COL11A1: variants seen among roughly 807,000 people sequenced by gnomAD.
The protein encoded by COL11A1 is collagen alpha-1(XI) chain.
A neutral mutation model predicts 265.2 loss-of-function variants in COL11A1; 74 were observed. The observed-to-expected ratio is 0.28, with a 90% confidence interval of 0.23 to 0.34. COL11A1 has a LOEUF of 0.34. Ranked by LOEUF, COL11A1 falls within the 10% of genes least tolerant of loss-of-function variation. The pLI is 1.00. For missense variants in COL11A1, 2,165 were observed against 2,263.6 expected (o/e 0.96, Z 0.88); for synonymous variants, 816 against 727.6 (o/e 1.12, Z -1.96).
chr1:102,949,390 C>T (rs531961339), intron 41 of COL11A1, among the ~76,000 whole-genome samples: 12 of 151,082 alleles, frequency 7.9e-5, no homozygotes, highest in South Asian at 2.1e-4. Flanking sequence ...AAAAGAGGTG[C>T]GATTTTAATT....
chr1:103,048,361 T>C (rs1241701701), intron 4 of COL11A1, among the ~76,000 whole-genome samples: 1 of 152,232 alleles, frequency 6.6e-6, no homozygotes, highest in African/African-American at 2.4e-5. Flanking sequence ...AATTTATCCA[T>C]TTCTTCTAGA....
In COL11A1 at chr1:103,082,999, C is replaced by G. The variant is rs116458923; in HGVS notation, c.107-27G>C. ...TGAAAAATAAGCAAACAATAAAAAA[C>G]CAGAATTGAACAACGATCTGATATA... On this transcript the variant is annotated intron_variant, in intron 1 of 66. Transcript: ENST00000370096. The G allele has an allele frequency of 2.9e-5, 46 of 1,608,280 alleles. No individual in the cohort carries two copies. In the Admixed American group the frequency reaches 5.9e-4, roughly 20 times the overall value.
intron 54 of COL11A1, among the ~76,000 whole-genome samples, chr1:102,909,682 A>G (rs937759805): frequency 8.5e-5 from 13 of 152,090 alleles, no homozygotes; most frequent in African/African-American, 1.2e-4. Context: ...ATGTAAATGA[A>G]TAAGAATGTA....
chr1:103,102,153 C>T (rs1451536414), intron 1 of COL11A1, among the ~76,000 whole-genome samples: 2 of 151,904 alleles, frequency 1.3e-5, no homozygotes, highest in Non-Finnish European at 2.9e-5. Context: ...TTACCTATAT[C>T]AATAAAACCA....
At chr1:103,001,556 C>A in intron 24 of COL11A1, 1 of 457,452 alleles carries the variant, frequency 2.2e-6, no homozygotes, top group Non-Finnish European at 3.8e-6. Flanking sequence ...TTCCTTTCAT[C>A]ATGTCTTCCT....
chr1:102,989,253 T>C (rs1010932108), intron 29 of COL11A1, among the ~76,000 whole-genome samples: 4 of 148,808 alleles, frequency 2.7e-5, no homozygotes, highest in Non-Finnish European at 6.0e-5. Context: ...TGTGTGTGCA[T>C]GTGTGTGTGT....
chr1:103,013,483 A>G (rs1054383238), intron 13 of COL11A1, among the ~76,000 whole-genome samples: 1 of 151,964 alleles, frequency 6.6e-6, no homozygotes, highest in East Asian at 1.9e-4. Flanking sequence ...AGTTATAGAA[A>G]TCTTTAGTAA....
At chr1:103,086,635 C>T (rs964401384) in intron 1 of COL11A1, among the ~76,000 whole-genome samples, 1 of 152,096 alleles carries the variant, frequency 6.6e-6, no homozygotes, top group Non-Finnish European at 1.5e-5. Flanking sequence ...CCAGGATGGT[C>T]TTGATCTCCT....
intron 54 of COL11A1, among the ~76,000 whole-genome samples, chr1:102,910,353 T>C (rs1356931780): frequency 1.3e-5 from 2 of 152,156 alleles, no homozygotes; most frequent in Non-Finnish European, 2.9e-5. Context: ...TGATAATTAC[T>C]TAAATTTATT....
At chr1:102,935,796 T>G (rs1357588233) in intron 44 of COL11A1, among the ~76,000 whole-genome samples, 1 of 152,142 alleles carries the variant, frequency 6.6e-6, no homozygotes, top group Non-Finnish European at 1.5e-5. Flanking sequence ...TAACTACTAC[T>G]TGTGGGGGAA....
chr1:103,070,989 T>C (rs1671540196), intron 4 of COL11A1, among the ~76,000 whole-genome samples: 1 of 152,002 alleles, frequency 6.6e-6, no homozygotes, highest in African/African-American at 2.4e-5. Flanking sequence ...CTAATCTTAC[T>C]TTTTTCAGGC....
intron 11 of COL11A1, 78 bp from the exon 12 acceptor site, chr1:103,015,820 A>G: frequency 9.1e-7 from 1 of 1,098,368 alleles, no homozygotes; most frequent in Non-Finnish European, 1.3e-6. Context: ...CTTATAACGT[A>G]AGTCTACTTT....
Position 103,022,965 on chromosome 1 carries a change from T to C in COL11A1, c.1022A>G (p.Glu341Gly). 2.5e-6 allele frequency: 4 copies of C among 1,613,200 alleles called. No homozygotes were observed. The highest frequency in any genetic ancestry group is 3.4e-6 in the Non-Finnish European group (4 of 1,179,550). ...PNPVEEIFTEEYLTGEDYDSQ... is the reference protein window; with the variant it reads ...PNPVEEIFTEGYLTGEDYDSQ... Reference sequence around the variant, plus strand: ...ATCATAATCCTCTCCCGTTAGATATTCTTCAGTAAATATTTCTTCAACTGG... The same window carrying C: ...ATCATAATCCTCTCCCGTTAGATATCCTTCAGTAAATATTTCTTCAACTGG... Residue 341 changes from glutamate to glycine, a missense_variant, in exon 8 of 67, where the codon GAA (glutamate) becomes GGA (glycine). Physicochemically the swap from Glu to Gly is moderately conservative, Grantham distance 98. Coordinates refer to ENST00000370096, the MANE Select transcript of COL11A1 (RefSeq NM_001854.4).
intron 36 of COL11A1, among the ~76,000 whole-genome samples, chr1:102,971,623 T>C (rs1476325108): frequency 1.3e-5 from 2 of 152,198 alleles, no homozygotes; most frequent in Non-Finnish European, 2.9e-5. Flanking sequence ...TTCCAAAATG[T>C]TATTTTCTCA....
intron 4 of COL11A1, among the ~76,000 whole-genome samples, chr1:103,058,699 A>T (rs1670423687): frequency 6.6e-6 from 1 of 152,172 alleles, no homozygotes; most frequent in Admixed American, 6.5e-5. Context: ...GGAGGAGAGA[A>T]TTTGAGAATA....
In COL11A1 at chr1:102,912,225, A is replaced by T; in HGVS notation, c.4033-13T>A. 1 of 1,602,086 alleles carries T rather than the reference A, an allele frequency of 6.2e-7. No homozygotes were observed. The highest frequency in any genetic ancestry group is 8.5e-7 in the Non-Finnish European group (1 of 1,174,796). The stretch of plus-strand genomic sequence containing the variant: ...GGCCAGGAGGACCCTATAAAATGTG[A>T]AAAAATACCTTTAACAAAATTGGAT... On this transcript the variant is annotated splice_polypyrimidine_tract_variant and intron_variant, in intron 53 of 66. Coordinates refer to ENST00000370096, the MANE Select transcript of COL11A1 (RefSeq NM_001854.4).
In COL11A1 at chr1:102,939,027, A is replaced by T; in HGVS notation, c.3438+8T>A. The T allele has an allele frequency of 6.2e-7, 1 of 1,612,706 alleles. No individual in the cohort carries two copies. Among genetic ancestry groups the T allele is most frequent in the Non-Finnish European group, 8.5e-7 (1 of 1,178,834 alleles). ...TAATGTTCTCTCAGTAAGAAGTAGG[A>T]AACTCACATTTTCTCCCTTGTCACC... On this transcript the variant is annotated splice_region_variant and intron_variant, in intron 44 of 66. Transcript: ENST00000370096.
chr1:102,951,734 T>C lies in COL11A1; in HGVS notation c.3169-4778A>G, dbSNP rs75546123. On this transcript the variant is annotated intron_variant, in intron 41 of 66. Coordinates refer to ENST00000370096, the MANE Select transcript of COL11A1 (RefSeq NM_001854.4). ...CAGAGCCTGGGCAACGGAGCCAGAC[T>C]CCGTCTTAAAAAAATAAAATAAAAT... 1.2e-4 allele frequency among the ~76,000 whole-genome samples: 18 copies of C among 149,682 alleles called. No individual in the cohort carries two copies. The East Asian group carries it at 3.3e-3, about 27-fold the overall frequency.
chr1:103,049,964 G>A (rs907399242), intron 4 of COL11A1, among the ~76,000 whole-genome samples: 1 of 152,230 alleles, frequency 6.6e-6, no homozygotes, highest in African/African-American at 2.4e-5. Context: ...TCTGCCGAGA[G>A]ATCAGCTGTT....
Sources: allele counts gnomAD v4.1 joint callset (sites outside exome capture counted in the v4.1 genomes callset), GRCh38; gene constraint gnomAD v4.1.1; transcripts MANE v1.5; gene names NCBI Gene and HGNC (gene_info 2026-07-23, HGNC 2026-07-21).